The following RAD54L variants were observed in gnomAD, a reference collection of about 807,000 sequenced individuals.
The protein encoded by RAD54L is RAD54 like.
RAD54L carries 74 observed loss-of-function variants against 91.6 expected under a neutral mutation model. The observed-to-expected ratio is 0.81, with a 90% CI of 0.67 to 0.98. RAD54L has a LOEUF of 0.98. Among genes scored for constraint, RAD54L ranks in the 50% least tolerant of loss-of-function variants. RAD54L has a pLI of 0.00. For synonymous variants in RAD54L, 304 were observed against 349.7 expected, an observed-to-expected ratio of 0.87 and a Z score of 1.46; for missense variants, 887 against 945.7, an observed-to-expected ratio of 0.94 and a Z score of 0.81.
At chr1:46,257,143 CAAAAAAAAAA>C (rs576146179) in intron 3 of RAD54L, among the ~76,000 whole-genome samples, 1 of 54,436 alleles carries the variant, frequency 1.8e-5, no homozygotes, top group African/African-American at 5.9e-5. Flanking sequence ...GACTCCATCT[CAAAAAAAAAA>C]AAAAAAAAAA....
intron 11 of RAD54L, 45 bp from the exon 12 acceptor site, chr1:46,272,627 G>A (rs1202325716): frequency 1.2e-6 from 2 of 1,614,044 alleles, no homozygotes; most frequent in South Asian, 1.1e-5. Context: ...TCAGAGGGCA[G>A]GAGGGTGGTC....
intron 12 of RAD54L, 131 bp downstream of exon 12, chr1:46,272,933 C>A: frequency 7.4e-7 from 1 of 1,343,198 alleles, no homozygotes; most frequent in Non-Finnish European, 1.0e-6. Context: ...TGATTCCAAC[C>A]CTACCCAAGG....
chr1:46,277,787 T>G (rs1157709039), intron 16 of RAD54L, 30 bp from the exon 17 acceptor site: 1 of 1,580,302 alleles, frequency 6.3e-7, no homozygotes, highest in African/African-American at 1.3e-5. Flanking sequence ...GCGCTGTATC[T>G]TTTGACATTC....
chr1:46,267,698 A>C (rs934981237), intron 9 of RAD54L, 89 bp downstream of exon 9: 38 of 1,485,358 alleles, frequency 2.6e-5, no homozygotes, highest in Non-Finnish European at 3.5e-5. Context: ...AAAGAAGAGA[A>C]TGCTAGTTAT....
intron 4 of RAD54L, among the ~76,000 whole-genome samples, chr1:46,259,304 A>G (rs28363210): frequency 0.02 from 2,967 of 152,104 alleles, 99 homozygotes; most frequent in African/African-American, 0.066. Context: ...GGCTTGAGAT[A>G]CTACGCTTGG....
chr1:46,278,033 G>A (rs1288515127), intron 17 of RAD54L, 39 bp from the exon 18 acceptor site: 2 of 1,614,096 alleles, frequency 1.2e-6, no homozygotes, highest in African/African-American at 1.3e-5. Context: ...GTAGGGAGAT[G>A]GGATCTGTAG....
chr1:46,249,395 T>C (rs1659738926), intron 2 of RAD54L, among the ~76,000 whole-genome samples: 1 of 152,172 alleles, frequency 6.6e-6, no homozygotes, highest in Admixed American at 6.5e-5. Flanking sequence ...GCTTGCTCAA[T>C]AGTTGTACCG....
At position 46,273,370 on chromosome 1, in the gene RAD54L, A is replaced by G. The variant is rs767878063; in HGVS notation, c.1391A>G (p.Tyr464Cys). The G allele has an allele frequency of 1.2e-6, 2 of 1,612,724 alleles. No individual in the cohort carries two copies. Among genetic ancestry groups the G allele is most frequent in the South Asian group, 1.1e-5 (1 of 91,036 alleles). The change falls in exon 13 of 18, where the codon TAT becomes TGT. Residue 464 changes from tyrosine to cysteine, a missense_variant. Coordinates refer to ENST00000371975, the MANE Select transcript of RAD54L (RefSeq NM_003579.4). ...KKLCNHPALIYDKCVEEEDGF... is the reference protein window; with the variant it reads ...KKLCNHPALICDKCVEEEDGF... ...TTTCTCCCAGATCCAGCTCTAATCTATGATAAGTGTGTGGAAGAGGAGGAT... is the reference window on the plus strand; with the variant it reads ...TTTCTCCCAGATCCAGCTCTAATCTGTGATAAGTGTGTGGAAGAGGAGGAT...
intron 3 of RAD54L, among the ~76,000 whole-genome samples, chr1:46,256,936 G>A (rs926831933): frequency 6.6e-6 from 1 of 152,064 alleles, no homozygotes; most frequent in African/African-American, 2.4e-5. Context: ...TTGAGGGCAG[G>A]AGTTCAAGAC....
intron 8 of RAD54L, 97 bp from the exon 9 acceptor site, chr1:46,267,362 C>T: frequency 1.3e-6 from 2 of 1,550,006 alleles, no homozygotes; most frequent in Non-Finnish European, 1.8e-6. Flanking sequence ...CGGCGCCCGG[C>T]CTGGAATGTT....
chr1:46,277,822 G>C lies in RAD54L; in HGVS notation c.1875G>C (p.Gly625=), dbSNP rs1320711460. The change falls in exon 17 of 18, where the codon GGG becomes GGC. Residue 625 remains glycine (G), a synonymous_variant. Transcript: ENST00000371975. ...CCCCACCTCCTCTTCCCCAGGCAGG[G>C]ACCATTGAGGAGAAGATCTTCCAGC... ...TCYIYRLLSA[G]TIEEKIFQRQ... The C allele has an allele frequency of 6.2e-7, 1 of 1,606,834 alleles. No individual in the cohort carries two copies. Among genetic ancestry groups the C allele is most frequent in the Admixed American group, 1.7e-5 (1 of 59,984 alleles).
rs143302558 is a variant in RAD54L at position 46,261,301 on chromosome 1, C to T, written c.807C>T (p.Pro269=). The change falls in exon 8 of 18, where the codon CCC becomes CCT. Residue 269 remains proline, a synonymous_variant. Transcript: ENST00000371975. The stretch of plus-strand genomic sequence containing the variant: ...AGCGTGGAGCCAGGGTGTCTTCTCC[C>T]ATCCTCATCATTTCCTATGAGACCT... ...MNQRGARVSS[P]ILIISYETFR... 2.3e-5 allele frequency: 37 copies of T among 1,613,754 alleles called. No individual in the cohort carries two copies. The African/African-American group carries it at 3.9e-4, about 17-fold the overall frequency.
rs575434968 is a variant in RAD54L at position 46,263,839 on chromosome 1, T to C, written c.891+2454T>C. ...TTGAGACAAGGGTCTTGTTCTGTTGTCCAGATGGAGTGCAGTGACGTGATC... is the reference window on the plus strand; with the variant it reads ...TTGAGACAAGGGTCTTGTTCTGTTGCCCAGATGGAGTGCAGTGACGTGATC... On this transcript the variant is annotated intron_variant, in intron 8 of 17. Transcript: ENST00000371975. The surrounding 1 kb of genome is among the most constrained non-coding windows in gnomAD (Gnocchi z 4.3). 6.6e-6 allele frequency among the ~76,000 whole-genome samples: 1 copy of C among 152,190 alleles called. No individual in the cohort carries two copies. Among genetic ancestry groups the C allele is most frequent in the East Asian group, 1.9e-4 (1 of 5,186 alleles).
rs1660681400 is a variant in RAD54L at position 46,278,212 on chromosome 1, A to G, written c.2174A>G (p.Asp725Gly). The G allele has an allele frequency of 6.2e-7, 1 of 1,613,934 alleles. No individual in the cohort carries two copies. The highest frequency in any genetic ancestry group is 8.5e-7 in the Non-Finnish European group (1 of 1,179,976). ...LRDEVLQAAW[D>G]AASTAITFVF... ...GATGAGGTACTCCAGGCTGCCTGGG[A>G]TGCTGCCTCCACTGCCATCACCTTC... is the stretch of plus-strand genomic sequence containing the variant. The change falls in exon 18 of 18, where the codon GAT (aspartate) becomes GGT (glycine). Residue 725 changes from aspartate to glycine, a missense_variant. Physicochemically the swap from Asp to Gly is moderately conservative, Grantham distance 94 (BLOSUM62 -1). Coordinates refer to ENST00000371975, the MANE Select transcript of RAD54L (RefSeq NM_003579.4).
chr1:46,250,974 A>AAAAAAAC (rs1202792063), intron 3 of RAD54L, among the ~76,000 whole-genome samples: 1 of 150,878 alleles, frequency 6.6e-6, no homozygotes, highest in Non-Finnish European at 1.5e-5. Context: ...GTCTCAAAAA[A>AAAAAAAC]AAAAAACAAA....
At chr1:46,261,528 T>A in intron 8 of RAD54L, 143 bp downstream of exon 8, 1 of 1,026,546 alleles carries the variant, frequency 9.7e-7, no homozygotes, top group African/African-American at 1.6e-5. Flanking sequence ...AGGGAGAGCC[T>A]GTGATACCAA....
At chr1:46,251,531 C>G (rs1659798685) in intron 3 of RAD54L, among the ~76,000 whole-genome samples, 1 of 152,066 alleles carries the variant, frequency 6.6e-6, no homozygotes, top group African/African-American at 2.4e-5. Context: ...ATAAAAATCA[C>G]TAATACAGCC....
chr1:46,274,114 C>T (rs550811876), intron 14 of RAD54L, 24 bp from the exon 15 acceptor site: 1 of 1,590,794 alleles, frequency 6.3e-7, no homozygotes, highest in African/African-American at 1.3e-5. Context: ...GCTTTATTTT[C>T]TTGGGTCTCG....
At chr1:46,272,629 AG>A in intron 11 of RAD54L, 42 bp from the exon 12 acceptor site, 2 of 1,614,104 alleles carry the variant, frequency 1.2e-6, no homozygotes, top group Non-Finnish European at 1.7e-6. Context: ...AGAGGGCAGG[AG>A]GGTGGTCTAG....
Sources: gnomAD v4.1 joint callset for allele counts (sites outside exome capture counted in the v4.1 genomes callset) on GRCh38, gnomAD v4.1.1 for gene constraint, Gnocchi (gnomAD v3.1) non-coding constraint, MANE v1.5 for transcripts, NCBI Gene and HGNC (gene_info 2026-07-23, HGNC 2026-07-21) for gene names.